TLE4: variants seen among roughly 807,000 people sequenced by gnomAD.
TLE4 encodes TLE family member 4, transcriptional corepressor, also known as transducin-like enhancer protein 4.
A neutral mutation model predicts 92.8 loss-of-function variants in TLE4; 8 were observed. That is an observed-to-expected ratio of 0.09 (90% CI 0.05 to 0.16). The LOEUF (loss-of-function observed/expected upper bound fraction) is 0.16, where lower values mean the gene tolerates loss of function less well. TLE4 is among the 10% of genes least tolerant of loss of function. The pLI, the probability that TLE4 is intolerant of heterozygous loss-of-function variation, is 1.00. For synonymous variants in TLE4, 371 were observed against 374.1 expected (o/e 0.99, Z 0.10); for missense variants, 675 against 997.6 (o/e 0.68, Z 4.36).
intron 8 of TLE4, among the ~76,000 whole-genome samples, chr9:79,670,391 G>T (rs988264019): frequency 2.0e-5 from 3 of 152,098 alleles, no homozygotes; most frequent in African/African-American, 4.8e-5. Flanking sequence ...CTTAGGCCAC[G>T]TCAAAAAGAT....
intron 8 of TLE4, among the ~76,000 whole-genome samples, chr9:79,695,220 G>A (rs143455701): frequency 4.6e-5 from 7 of 152,166 alleles, no homozygotes; most frequent in Non-Finnish European, 7.3e-5. Flanking sequence ...GAGGAGAGCA[G>A]CAGTGAAAAG....
At position 79,609,678 on chromosome 9, in the gene TLE4, A is replaced by C. The variant is rs537781144; in HGVS notation, c.253-2978A>C. On this transcript the variant is annotated intron_variant, in intron 4 of 19. Coordinates refer to ENST00000376552, the MANE Select transcript of TLE4 (RefSeq NM_007005.6). ...TTGGGGCTGTTAATGCTATTTTAGA[A>C]TATCATGAGCATCTGAAGGCAATAG... Among the ~76,000 whole-genome samples the C allele has an allele frequency of 3.9e-5, 6 of 152,174 alleles. No individual in the cohort carries two copies. The South Asian group carries it at 1.2e-3, about 32-fold the overall frequency.
At chr9:79,663,446 A>G (rs2134529593) in intron 8 of TLE4, 1 of 152,368 alleles carries the variant, frequency 6.6e-6, no homozygotes, top group South Asian at 2.1e-4. Context: ...CCAAAACGGC[A>G]GAGATACAGA....
Position 79,697,156 on chromosome 9 carries a change from C to T in TLE4, c.610-7627C>T, listed in dbSNP as rs1440492567. On this transcript the variant is annotated intron_variant, in intron 8 of 19. Transcript: ENST00000376552. ...GTATTAAGGAGAGCGAGAATTCTTG[C>T]TGGAGAACAAATGGACACAGAAATG... Among the ~76,000 whole-genome samples the T allele has an allele frequency of 3.9e-5, 6 of 152,180 alleles. No homozygotes were observed. The East Asian group carries it at 1.2e-3, about 29-fold the overall frequency.
intron 4 of TLE4, among the ~76,000 whole-genome samples, chr9:79,585,804 TC>T (rs2040914002): frequency 6.6e-6 from 1 of 152,116 alleles, no homozygotes; most frequent in African/African-American, 2.4e-5. Flanking sequence ...TACTTTCTCA[TC>T]CTTTTTTTTC....
Position 79,723,047 on chromosome 9 carries a change from C to CT in TLE4, c.2214+14dup. 1 of 1,609,046 alleles carries CT rather than the reference C, an allele frequency of 6.2e-7. No individual in the cohort carries two copies. Reference sequence around the variant, plus strand: ...CCAGTATATTCCAGGTAACATGGAACTTGTTAACTACCACTTATGTTTGTT... The same window carrying CT: ...CCAGTATATTCCAGGTAACATGGAACTTTGTTAACTACCACTTATGTTTGTT... On this transcript the variant is annotated intron_variant, in intron 19 of 19. Coordinates refer to ENST00000376552, the MANE Select transcript of TLE4 (RefSeq NM_007005.6).
chr9:79,624,616 T>A (rs989133534), intron 5 of TLE4, among the ~76,000 whole-genome samples: 1 of 152,252 alleles, frequency 6.6e-6, no homozygotes, highest in Non-Finnish European at 1.5e-5. Context: ...TTCTTTAGGC[T>A]GTCAGAGTTA....
intron 6 of TLE4, among the ~76,000 whole-genome samples, chr9:79,649,115 G>A (rs2058532492): frequency 6.6e-6 from 1 of 152,088 alleles, no homozygotes; most frequent in African/African-American, 2.4e-5. Context: ...AGTGGTCCTC[G>A]GTTTTATAAG....
rs2060061552 is a variant in TLE4 at position 79,658,401 on chromosome 9, TA to T, written c.609+4329del. Among the ~76,000 whole-genome samples, 3 of 152,334 alleles carry T rather than the reference TA, an allele frequency of 2.0e-5. No homozygotes were observed. The South Asian group carries it at 6.2e-4, about 32-fold the overall frequency. ...CCTGTGCAAATTCCTTGATTTTGTT[TA>T]AAGGTTTTTATAATGATTCATTCAT... On this transcript the variant is annotated intron_variant, in intron 8 of 19. Coordinates refer to ENST00000376552, the MANE Select transcript of TLE4 (RefSeq NM_007005.6).
Position 79,713,469 on chromosome 9 carries a change from C to T in TLE4, c.1340+3770C>T, listed in dbSNP as rs574412330. Among the ~76,000 whole-genome samples the T allele has an allele frequency of 4.6e-5, 7 of 152,204 alleles. No individual in the cohort carries two copies. The South Asian group carries it at 6.2e-4, about 14-fold the overall frequency. On this transcript the variant is annotated intron_variant, in intron 14 of 19. Coordinates refer to ENST00000376552, the MANE Select transcript of TLE4 (RefSeq NM_007005.6). ...CAGCTTAACCTGTGGTGTGTGTGTT[C>T]GTGTTGAGAGGAGGTCAGGTCACTC... is the stretch of plus-strand genomic sequence containing the variant.
intron 4 of TLE4, among the ~76,000 whole-genome samples, chr9:79,607,545 T>C (rs1286661686): frequency 6.6e-6 from 1 of 152,174 alleles, no homozygotes; most frequent in African/African-American, 2.4e-5. Flanking sequence ...GAGTTAATTT[T>C]TATGTAAGGT....
intron 8 of TLE4, among the ~76,000 whole-genome samples, chr9:79,694,528 A>C (rs2067791277): frequency 6.6e-6 from 1 of 152,126 alleles, no homozygotes; most frequent in African/African-American, 2.4e-5. Flanking sequence ...CTGAAATTGT[A>C]TCTCTTAAGT....
At chr9:79,623,290 T>G (rs537117557) in intron 5 of TLE4, among the ~76,000 whole-genome samples, 14 of 152,268 alleles carry the variant, frequency 9.2e-5, no homozygotes, top group Non-Finnish European at 1.9e-4. Context: ...CCTAAAACAT[T>G]GGCATGACAG....
Position 79,577,356 on chromosome 9 carries a change from GA to G in TLE4, c.252+1186del, listed in dbSNP as rs557584608. The stretch of plus-strand genomic sequence containing the variant: ...AATAGTATTGGAAAACAAAAAGTTG[GA>G]AAAAAATGAGACGTTGCTTACATTG... On this transcript the variant is annotated intron_variant, in intron 4 of 19. Transcript: ENST00000376552. Among the ~76,000 whole-genome samples the G allele has an allele frequency of 1.9e-3, 286 of 152,106 alleles. 2 individuals carry two copies. Among genetic ancestry groups the G allele is most frequent in the Middle Eastern group, 3.4e-3 (1 of 294 alleles).
At chr9:79,607,875 A>G (rs2047453313) in intron 4 of TLE4, among the ~76,000 whole-genome samples, 1 of 151,900 alleles carries the variant, frequency 6.6e-6, no homozygotes, top group Non-Finnish European at 1.5e-5. Flanking sequence ...TTGTCTTGGC[A>G]ATGCGGGCTT....
chr9:79,679,530 G>A (rs1211182668), intron 8 of TLE4, among the ~76,000 whole-genome samples: 1 of 152,152 alleles, frequency 6.6e-6, no homozygotes. Context: ...TTTGTCAGAT[G>A]AGTAGGTTGA....
Position 79,654,044 on chromosome 9 carries a change from C to T in TLE4, c.593-15C>T, listed in dbSNP as rs757266173. On this transcript the variant is annotated splice_polypyrimidine_tract_variant and intron_variant, in intron 7 of 19. Coordinates refer to ENST00000376552, the MANE Select transcript of TLE4 (RefSeq NM_007005.6). ...ACCACTTTATCTGCTTGTGTTGCTG[C>T]TGTTTTGCATATAGACAGAGACTCC... 5.0e-6 allele frequency: 8 copies of T among 1,613,454 alleles called. No individual in the cohort carries two copies. The African/African-American group carries it at 5.3e-5, about 11-fold the overall frequency.
At chr9:79,605,001 TGA>T (rs2046473297) in intron 4 of TLE4, among the ~76,000 whole-genome samples, 2 of 151,118 alleles carry the variant, frequency 1.3e-5, no homozygotes. Flanking sequence ...GGAAGGTGTG[TGA>T]GAGAGAGAAG....
intron 8 of TLE4, among the ~76,000 whole-genome samples, chr9:79,674,556 T>C (rs2062942628): frequency 6.6e-6 from 1 of 152,182 alleles, no homozygotes; most frequent in Non-Finnish European, 1.5e-5. Context: ...TTATAGGAGC[T>C]TCCTCCTTTT....
Sources: allele counts gnomAD v4.1 joint callset (sites outside exome capture counted in the v4.1 genomes callset), GRCh38; gene constraint gnomAD v4.1.1; transcripts MANE v1.5; gene names NCBI Gene and HGNC (gene_info 2026-07-23, HGNC 2026-07-21).